The following COL27A1 variants were observed in gnomAD, a reference collection of about 807,000 sequenced individuals.
The protein encoded by COL27A1 is collagen alpha-1(XXVII) chain.
COL27A1 carries 106 observed loss-of-function variants against 251.3 expected under a neutral mutation model. That is an observed-to-expected ratio of 0.42 (90% confidence interval 0.36 to 0.50). COL27A1 has a LOEUF of 0.50. Among genes scored for constraint, COL27A1 ranks in the 20% least tolerant of loss-of-function variants. The pLI, the probability that COL27A1 is intolerant of heterozygous loss-of-function variation, is 0.00. For missense variants in COL27A1, 2,325 were observed against 2,522.8 expected, an observed-to-expected ratio of 0.92 and a Z score of 1.68; for synonymous variants, 1,000 against 986.3, an observed-to-expected ratio of 1.01 and a Z score of -0.26.
intron 29 of COL27A1, 145 bp from the exon 30 acceptor site, chr9:114,264,779 T>TA (rs1834617065): frequency 7.3e-6 from 6 of 822,558 alleles, no homozygotes; most frequent in Non-Finnish European, 1.1e-5. Context: ...TGTCAGGCCT[T>TA]AGTTTTCCCA....
At chr9:114,218,722 A>C (rs1830875150) in intron 12 of COL27A1, 2 of 152,184 alleles carry the variant, frequency 1.3e-5, no homozygotes, top group Non-Finnish European at 2.9e-5. Context: ...GCTGCGGGGC[A>C]GGGCCAGGCT....
At position 114,265,047 on chromosome 9, in the gene COL27A1, C is replaced by A. The variant is rs1267271641; in HGVS notation, c.3295-19C>A. 4.3e-6 allele frequency: 7 copies of A among 1,613,640 alleles called. No homozygotes were observed. The African/African-American group carries it at 6.7e-5, about 15-fold the overall frequency. ...GCTTTGTGATCTGAGCCTGTAATGA[C>A]CCCCACATGTGCTTCCAGGGTGTGG... On this transcript the variant is annotated intron_variant, in intron 30 of 60. Coordinates refer to ENST00000356083, the MANE Select transcript of COL27A1 (RefSeq NM_032888.4).
intron 59 of COL27A1, among the ~76,000 whole-genome samples, chr9:114,308,889 C>T (rs1400720884): frequency 3.9e-5 from 6 of 152,198 alleles, no homozygotes; most frequent in African/African-American, 1.4e-4. Context: ...AAACACCTCT[C>T]ATTTCCTCTG....
chr9:114,219,639 G>A, intron 12 of COL27A1, 152 bp from the exon 13 acceptor site: 1 of 551,922 alleles, frequency 1.8e-6, no homozygotes, highest in South Asian at 2.8e-5. Context: ...TCGATGGTAG[G>A]GGTGACCTCA....
chr9:114,299,836 C>T (rs1436004573), intron 49 of COL27A1, among the ~76,000 whole-genome samples: 1 of 152,220 alleles, frequency 6.6e-6, no homozygotes. Flanking sequence ...CTGTGGAATC[C>T]CTGAGCCGGG....
intron 49 of COL27A1, among the ~76,000 whole-genome samples, chr9:114,296,331 C>T (rs960789308): frequency 2.0e-4 from 31 of 152,096 alleles, no homozygotes; most frequent in Non-Finnish European, 4.0e-4. Flanking sequence ...TATCCGGAAC[C>T]TAAAAAGAAC....
rs13290696 is a variant in COL27A1, at chr9:114,205,125, G to T, written c.2148G>T (p.Pro716=). Reference sequence around the variant, plus strand: ...AGGGACACAAGGGCTATCCTGGACCGGCAGGGCACCCCGGAGAACAGGTGA... The same window carrying T: ...AGGGACACAAGGGCTATCCTGGACCTGCAGGGCACCCCGGAGAACAGGTGA... ...GRKGHKGYPG[P]AGHPGEQGQP... The change falls in exon 8 of 61, where the codon CCG becomes CCT. Residue 716 remains proline, a synonymous_variant. Transcript: ENST00000356083. 156,314 of 1,613,228 alleles carry T rather than the reference G, an allele frequency of 0.097. 8,661 individuals carry two copies. Among genetic ancestry groups the T allele is most frequent in the South Asian group, 0.21 (19,003 of 91,050 alleles).
upstream of COL27A1, among the ~76,000 whole-genome samples, chr9:114,154,361 T>C (rs1306933222): frequency 6.6e-6 from 1 of 152,204 alleles, no homozygotes; most frequent in Non-Finnish European, 1.5e-5. This position sits in a 1 kb window ranked among gnomAD's most constrained non-coding sequence, Gnocchi z 5.8. Context: ...GCCTCGCACG[T>C]AGGGACCCAG....
chr9:114,206,446 G>A lies in COL27A1; in HGVS notation c.2268+150G>A, dbSNP rs1019776864. 10 of 770,516 alleles carry A rather than the reference G, an allele frequency of 1.3e-5. No individual in the cohort carries two copies. In the South Asian group the frequency reaches 1.6e-4, roughly 12 times the overall value. 47.7% of individuals were successfully genotyped at this position (770,516 alleles called of 1,614,324 possible). ...CGGACAACAGAGGGGCAGCAGGAGG[G>A]ATGGGTGATGGGAGACCCTTGAGCC... On this transcript the variant is annotated intron_variant, in intron 10 of 60. Transcript: ENST00000356083.
At position 114,235,580 on chromosome 9, in the gene COL27A1, T is replaced by G. The variant is rs1230224408; in HGVS notation, c.2566-19T>G. On this transcript the variant is annotated intron_variant, in intron 16 of 60. Coordinates refer to ENST00000356083, the MANE Select transcript of COL27A1 (RefSeq NM_032888.4). ...CCACGTGGCCTCCATTGTAACCTTC[T>G]TTGCTGGTGTGTACTTAGGGTGAAC... 3.1e-6 allele frequency: 5 copies of G among 1,611,102 alleles called. No individual in the cohort carries two copies. The highest frequency in any genetic ancestry group is 4.2e-6 in the Non-Finnish European group (5 of 1,177,364).
intron 10 of COL27A1, among the ~76,000 whole-genome samples, chr9:114,207,608 C>T (rs1374845200): frequency 6.6e-6 from 1 of 152,230 alleles, no homozygotes; most frequent in Non-Finnish European, 1.5e-5. Flanking sequence ...ACTCCTGTCT[C>T]TTACAGGCCA....
At chr9:114,200,954 C>T (rs1185748120) in intron 7 of COL27A1, among the ~76,000 whole-genome samples, 2 of 151,896 alleles carry the variant, frequency 1.3e-5, no homozygotes, top group Non-Finnish European at 2.9e-5. Context: ...TGTCTGAGTA[C>T]ATATGGGTCC....
chr9:114,266,731 G>C, intron 33 of COL27A1, 113 bp downstream of exon 33: 2 of 955,678 alleles, frequency 2.1e-6, no homozygotes, highest in Non-Finnish European at 3.3e-6. Flanking sequence ...GGCCCAGGGA[G>C]ATGGTCATGT....
intron 36 of COL27A1, chr9:114,272,628 G>C (rs1270043506): frequency 5.9e-5 from 9 of 152,214 alleles, no homozygotes; most frequent in Admixed American, 5.9e-4. Context: ...AGTGATGATG[G>C]TGGTGGTGAC....
chr9:114,245,148 GTTTTTT>G (rs779029948), intron 23 of COL27A1, among the ~76,000 whole-genome samples: 1 of 101,334 alleles, frequency 9.9e-6, no homozygotes, highest in East Asian at 3.4e-4. Flanking sequence ...GTGCATTCTT[GTTTTTT>G]TTTTTTTTTT....
At chr9:114,228,086 C>T (rs1211358621) in intron 14 of COL27A1, among the ~76,000 whole-genome samples, 1 of 152,148 alleles carries the variant, frequency 6.6e-6, no homozygotes, top group Non-Finnish European at 1.5e-5. Flanking sequence ...ATGGGATGCC[C>T]ATGGCAGGTC....
In COL27A1 at chr9:114,290,246, C is replaced by G; in HGVS notation, c.4283C>G (p.Pro1428Arg). 1 of 1,572,586 alleles carries G rather than the reference C, an allele frequency of 6.4e-7. No individual in the cohort carries two copies. The change falls in exon 47 of 61, where the codon CCC becomes CGC. Residue 1428 changes from proline (P) to arginine (R), a missense_variant. By Grantham distance (103) the Pro-to-Arg change is moderately radical. This residue lies in a region of COL27A1 where 153 missense variants were observed against 140.7 expected (regional missense o/e 1.09). Coordinates refer to ENST00000356083, the MANE Select transcript of COL27A1 (RefSeq NM_032888.4). The surrounding 1 kb of genome is among the most constrained non-coding windows in gnomAD (Gnocchi z 4.6). ...GVQGLQGLPG[P>R]RGVVGRQGLE... ...CAGGGCCTGCAGGGGCTGCCAGGGC[C>G]CCGGGGCGTGGTGGGGAGACAGGGC...
rs1828367604 is a variant in COL27A1, at chr9:114,297,960, A to G, written c.4585-2110A>G. ...AAAATGAAATTAATAAGACATTTCCATTTATAATAGCATCAAAGAGAATAA... is the reference window on the plus strand; with the variant it reads ...AAAATGAAATTAATAAGACATTTCCGTTTATAATAGCATCAAAGAGAATAA... On this transcript the variant is annotated intron_variant, in intron 49 of 60. Coordinates refer to ENST00000356083, the MANE Select transcript of COL27A1 (RefSeq NM_032888.4). 1.3e-5 allele frequency among the ~76,000 whole-genome samples: 2 copies of G among 152,210 alleles called. 1 individual carries two copies. The highest frequency in any genetic ancestry group is 4.8e-5 in the African/African-American group (2 of 41,464).
chr9:114,254,403 GA>G (rs1175412907), intron 27 of COL27A1, among the ~76,000 whole-genome samples: 2 of 152,062 alleles, frequency 1.3e-5, no homozygotes, highest in African/African-American at 4.8e-5. Flanking sequence ...CTCTCATTTG[GA>G]GCAGGTAGAA....
Sources: allele counts gnomAD v4.1 joint callset (sites outside exome capture counted in the v4.1 genomes callset), GRCh38; gene constraint gnomAD v4.1.1; regional missense constraint gnomAD v4.1.1; non-coding constraint Gnocchi (gnomAD v3.1); transcripts MANE v1.5; gene names NCBI Gene and HGNC (gene_info 2026-07-23, HGNC 2026-07-21).